Variants in ARAP3 observed in about 807,000 individuals in gnomAD.
ARAP3 encodes the protein arf-GAP with Rho-GAP domain, ANK repeat and PH domain-containing protein 3.
In ARAP3, 82 loss-of-function variants were observed where a neutral mutation model predicts 169.2. The observed-to-expected ratio is 0.48, with a 90% confidence interval of 0.41 to 0.58. The LOEUF (loss-of-function observed/expected upper bound fraction) is 0.58, where lower values mean the gene tolerates loss of function less well. ARAP3 is among the 20% of genes least tolerant of loss of function. The pLI is 0.00. For synonymous variants in ARAP3, 791 were observed against 800.3 expected, an observed-to-expected ratio of 0.99 and a Z score of 0.20; for missense variants, 1,764 against 2,018.0, an observed-to-expected ratio of 0.87 and a Z score of 2.41.
In ARAP3 at chr5:141,676,975, G is replaced by A. The variant is rs10079861; in HGVS notation, c.698+2570C>T. On this transcript the variant is annotated intron_variant, in intron 4 of 32. Coordinates refer to ENST00000239440, the MANE Select transcript of ARAP3 (RefSeq NM_022481.6). ...ACTCCTAATCTACCCTCTCCTCCCA[G>A]CTGCCTGAACACAGTCTTCCCCATC... Among the ~76,000 whole-genome samples, 1,353 of 152,186 alleles carry A rather than the reference G, an allele frequency of 8.9e-3. 28 individuals are homozygous for A. Among genetic ancestry groups the A allele is most frequent in the African/African-American group, 0.031 (1,290 of 41,498 alleles).
Position 141,671,988 on chromosome 5 carries a change from G to GGTGTGAGGGT in ARAP3, c.1586-18_1586-9dup, listed in dbSNP as rs534785840. The GGTGTGAGGGT allele has an allele frequency of 6.2e-5, 100 of 1,613,828 alleles. No homozygotes were observed. The Admixed American group carries it at 9.5e-4, about 15-fold the overall frequency. ...CCAGGGCCCGGTGCTGACCTGTGAG[G>GGTGTGAGGGT]GTGTGAGGGTGTGTGAGGGTGTGTG... On this transcript the variant is annotated splice_polypyrimidine_tract_variant and intron_variant, in intron 10 of 32. Transcript: ENST00000239440. The surrounding 1 kb of genome is among the most constrained non-coding windows in gnomAD (Gnocchi z 4.9).
rs762207489 is a variant in ARAP3 at position 141,672,641 on chromosome 5, G to A, written c.1296C>T (p.Ile432=). The A allele has an allele frequency of 1.4e-5, 23 of 1,613,690 alleles. No individual in the cohort carries two copies. Among genetic ancestry groups the A allele is most frequent in the Non-Finnish European group, 1.7e-5 (20 of 1,179,842 alleles). ...YKSEQAFSLG[I]GICFIELQGC... is the part of the protein sequence containing the mutation. ...CCTGCAGTTCGATGAAGCAGATCCC[G>A]ATGCCCAGAGAGAAGGCCTGGTGGG... The change falls in exon 9 of 33, where the codon ATC becomes ATT. Residue 432 remains isoleucine (I), a synonymous_variant. Transcript: ENST00000239440. This position sits in a 1 kb window ranked among gnomAD's most constrained non-coding sequence, Gnocchi z 4.9.
At chr5:141,677,780 T>TTTTTTTG (rs570181272) in intron 4 of ARAP3, among the ~76,000 whole-genome samples, 1 of 143,628 alleles carries the variant, frequency 7.0e-6, no homozygotes, top group Admixed American at 6.9e-5. Flanking sequence ...TGTTTTTGTT[T>TTTTTTTG]TTTTTGTTTT....
Position 141,665,002 on chromosome 5 carries a change from G to C in ARAP3, c.2720C>G (p.Thr907Arg). 1 of 1,613,780 alleles carries C rather than the reference G, an allele frequency of 6.2e-7. No individual in the cohort carries two copies. Among genetic ancestry groups the C allele is most frequent in the Non-Finnish European group, 8.5e-7 (1 of 1,179,936 alleles). ...GCTCATCTGCTGCTCCTGCAGCCCTGTGCCGCCCCCACCAGCCGCGCCCCC... is the reference window on the plus strand; with the variant it reads ...GCTCATCTGCTGCTCCTGCAGCCCTCTGCCGCCCCCACCAGCCGCGCCCCC... ...AIGGAAGGGG[T>R]GLQEQQMSRG... The change falls in exon 19 of 33, where the codon ACA (threonine) becomes AGA (arginine). Residue 907 changes from threonine to arginine, a missense_variant. Thr to Arg is a moderately conservative substitution (Grantham distance 71). Around this residue, in one of 3 missense-constraint regions of ARAP3, gnomAD observed 1,112 missense variants for 1,285.7 expected, o/e 0.86. Coordinates refer to ENST00000239440, the MANE Select transcript of ARAP3 (RefSeq NM_022481.6).
rs978379917 is a variant in ARAP3, at chr5:141,682,177, C to G, written c.-22G>C. 7 of 152,266 alleles carry G rather than the reference C, an allele frequency of 4.6e-5. No individual in the cohort carries two copies. The highest frequency in any genetic ancestry group is 1.7e-4 in the African/African-American group (7 of 41,440). 9.4% of individuals were successfully genotyped at this position (152,266 alleles called of 1,614,324 possible). A position where few individuals can be genotyped will look rare whatever the true frequency, so the allele number is the denominator to read the frequency against. On this transcript the variant is annotated 5_prime_UTR_variant, in exon 1 of 33. Transcript: ENST00000239440. ...GGGGGGCGCGGGGGTCCTCACCTCA[C>G]TACGCGGCCGCCGTCCGCTCGCGGG...
At chr5:141,659,580 G>C (rs1186333485) in intron 22 of ARAP3, 104 bp from the exon 23 acceptor site, 22 of 1,393,070 alleles carry the variant, frequency 1.6e-5, no homozygotes, top group Non-Finnish European at 2.2e-5. Context: ...GGCCAGAAGA[G>C]CTAAGAACCA....
chr5:141,655,379 TC>T lies in ARAP3; in HGVS notation c.4131del (p.Thr1378ProfsTer8). On this transcript the variant is annotated frameshift_variant, in exon 32 of 33. Coordinates refer to ENST00000239440, the MANE Select transcript of ARAP3 (RefSeq NM_022481.6). LOFTEE classifies it high-confidence loss of function. ...NQTLRRLHNR[R>X]TLSMFFPMKS... is the part of the protein sequence containing the mutation. Reference sequence around the variant, plus strand: ...ATACTCACAAAGAACATGGACAGGGTCCTCCGGTTGTGTAGTCGCCGCTGGA... The same window carrying T: ...ATACTCACAAAGAACATGGACAGGGTCTCCGGTTGTGTAGTCGCCGCTGGA... The T allele has an allele frequency of 6.3e-7, 1 of 1,583,120 alleles. No individual in the cohort carries two copies. Among genetic ancestry groups the T allele is most frequent in the East Asian group, 2.3e-5 (1 of 43,440 alleles).
At chr5:141,659,651 A>G (rs1562405954) in intron 22 of ARAP3, 128 bp downstream of exon 22, 1 of 1,392,246 alleles carries the variant, frequency 7.2e-7, no homozygotes, top group Non-Finnish European at 9.8e-7. Flanking sequence ...TCTGGGAGGT[A>G]GTTCCTGGTA....
rs748006600 is a variant in ARAP3 at position 141,673,777 on chromosome 5, C to A, written c.730G>T (p.Asp244Tyr). The A allele has an allele frequency of 6.2e-7, 1 of 1,614,026 alleles. No homozygotes were observed. Among genetic ancestry groups the A allele is most frequent in the South Asian group, 1.1e-5 (1 of 91,082 alleles). The change falls in exon 5 of 33, where the codon GAT becomes TAT. Residue 244 changes from aspartate (D) to tyrosine (Y), a missense_variant. Asp to Tyr is a radical substitution (Grantham distance 160, BLOSUM62 -3). Transcript: ENST00000239440. ...LSRQDLEARE[D>Y]AGYASLELPG... ...AGCTCAAGGCTGGCATAGCCAGCATCCTCCCGTGCCTCCAGATCCTGTCTG... is the reference window on the plus strand; with the variant it reads ...AGCTCAAGGCTGGCATAGCCAGCATACTCCCGTGCCTCCAGATCCTGTCTG...
rs779021850 is a variant in ARAP3 at position 141,671,408 on chromosome 5, G to A, written c.1855-8C>T. 2 of 1,605,426 alleles carry A rather than the reference G, an allele frequency of 1.2e-6. No individual in the cohort carries two copies. Among genetic ancestry groups the A allele is most frequent in the South Asian group, 2.2e-5 (2 of 89,918 alleles). On this transcript the variant is annotated splice_polypyrimidine_tract_variant and splice_region_variant and intron_variant, in intron 12 of 32. Coordinates refer to ENST00000239440, the MANE Select transcript of ARAP3 (RefSeq NM_022481.6). The surrounding 1 kb of genome is among the most constrained non-coding windows in gnomAD (Gnocchi z 4.9). ...CACAGCTGCACACAGTGCCTGCAGG[G>A]AGGGAAGGGCCTCTGTCAGCCCCAA...
intron 21 of ARAP3, among the ~76,000 whole-genome samples, chr5:141,661,295 C>T (rs1390422981): frequency 2.6e-5 from 4 of 152,076 alleles, no homozygotes; most frequent in Non-Finnish European, 4.4e-5. Context: ...AACTCCTGGC[C>T]TTAGATGACC....
chr5:141,678,304 G>C (rs750493440), intron 4 of ARAP3, among the ~76,000 whole-genome samples: 3 of 151,870 alleles, frequency 2.0e-5, no homozygotes, highest in Admixed American at 2.0e-4. Context: ...TCCTCCCACC[G>C]TGGCTCACCT....
intron 4 of ARAP3, among the ~76,000 whole-genome samples, chr5:141,677,950 AT>A (rs35622634): frequency 2.6e-3 from 338 of 129,662 alleles, no homozygotes; most frequent in East Asian, 6.9e-3. Context: ...ACCCCCAGCT[AT>A]TTTTTTTTTT....
intron 4 of ARAP3, among the ~76,000 whole-genome samples, chr5:141,674,167 T>G (rs2099911844): frequency 6.6e-6 from 1 of 152,154 alleles, no homozygotes. Context: ...TTCTCCATGT[T>G]GGTCAGGCTG....
At chr5:141,679,481 G>T in intron 4 of ARAP3, 64 bp downstream of exon 4, 1 of 1,488,752 alleles carries the variant, frequency 6.7e-7, no homozygotes, top group South Asian at 1.2e-5. Context: ...TTGAATAACT[G>T]GATACATGGC....
chr5:141,662,239 A>C lies in ARAP3; in HGVS notation c.2817T>G (p.Gly939=). 6 of 1,613,878 alleles carry C rather than the reference A, an allele frequency of 3.7e-6. No individual in the cohort carries two copies. The highest frequency in any genetic ancestry group is 5.1e-6 in the Non-Finnish European group (6 of 1,179,958). ...CACGAGCGCCCCCTTTCCGGTATAC[A>C]CCTTCCAGCCGGAGCCCTGAGGAGA... ...FVTQHGLRLE[G]VYRKGGARAR... is the part of the protein sequence containing the mutation. The change falls in exon 20 of 33, where the codon GGT becomes GGG. Residue 939 remains glycine (G), a synonymous_variant. Transcript: ENST00000239440.
Position 141,680,253 on chromosome 5 carries a change from G to A in ARAP3, c.234C>T (p.Ala78=). 9 of 1,614,162 alleles carry A rather than the reference G, an allele frequency of 5.6e-6. No homozygotes were observed. The highest frequency in any genetic ancestry group is 7.6e-6 in the Non-Finnish European group (9 of 1,180,010). ...GGGCTGGGCTGGGGGATGGTTCCAT[G>A]GCACTATCTGATTTGGGATCCAGGG... ...EGSLDPKSDS[A]MEPSPSPAPQ... The change falls in exon 2 of 33, where the codon GCC becomes GCT. Residue 78 remains alanine (A), a synonymous_variant. Coordinates refer to ENST00000239440, the MANE Select transcript of ARAP3 (RefSeq NM_022481.6).
intron 13 of ARAP3, 61 bp from the exon 14 acceptor site, chr5:141,670,689 C>T: frequency 7.0e-7 from 1 of 1,423,258 alleles, no homozygotes; most frequent in Non-Finnish European, 9.9e-7. Context: ...CTGACCCCCT[C>T]TGGGGAAGGG....
chr5:141,653,810 C>A lies in ARAP3; in HGVS notation c.*140G>T, dbSNP rs1316712705. 22 of 1,236,058 alleles carry A rather than the reference C, an allele frequency of 1.8e-5. No individual in the cohort carries two copies. In the South Asian group the frequency reaches 2.1e-4, roughly 12 times the overall value. The allele number at this position is 1,236,058 out of a possible 1,614,324, so 76.6% of individuals were successfully genotyped here. A position where few individuals can be genotyped will look rare whatever the true frequency, so the allele number is the denominator to read the frequency against. On this transcript the variant is annotated 3_prime_UTR_variant, in exon 33 of 33. Transcript: ENST00000239440. ...GTCCTGGGACACGCAGCCACTGAAG[C>A]CTTTAGTCCAGTGCTCCTTCCACAG...
Sources: gnomAD v4.1 joint callset for allele counts (sites outside exome capture counted in the v4.1 genomes callset) on GRCh38, gnomAD v4.1.1 for gene constraint, gnomAD v4.1.1 regional missense constraint, Gnocchi (gnomAD v3.1) non-coding constraint, MANE v1.5 for transcripts, NCBI Gene and HGNC (gene_info 2026-07-23, HGNC 2026-07-21) for gene names.